The following PPP1R16B variants were observed in gnomAD, a reference collection of about 807,000 sequenced individuals.
The protein encoded by PPP1R16B is protein phosphatase 1 regulatory subunit 16B.
In PPP1R16B, 14 loss-of-function variants were observed where a neutral mutation model predicts 61.7. The ratio of observed to expected loss-of-function variants is 0.23; its 90% confidence interval spans 0.15 to 0.35. The LOEUF (loss-of-function observed/expected upper bound fraction) is 0.35. Among genes scored for constraint, PPP1R16B ranks in the 10% least tolerant of loss-of-function variants. The probability of loss-of-function intolerance (pLI) is 1.00; values close to 1 mark genes in which losing one functional copy is unlikely to be tolerated. For missense variants in PPP1R16B, 547 were observed against 752.5 expected (o/e 0.73, Z 3.19); for synonymous variants, 266 against 305.3 (o/e 0.87, Z 1.34).
intron 4 of PPP1R16B, 126 bp downstream of exon 4, chr20:38,895,836 C>T: frequency 1.0e-6 from 1 of 1,002,260 alleles, no homozygotes; most frequent in Admixed American, 2.9e-5. Context: ...TTCTTTCTCT[C>T]CTCCCTTCCT....
At chr20:38,861,246 G>A (rs2085048242) in intron 2 of PPP1R16B, among the ~76,000 whole-genome samples, 1 of 152,182 alleles carries the variant, frequency 6.6e-6, no homozygotes, top group Admixed American at 6.5e-5. Flanking sequence ...AGAGCTACCT[G>A]GTGGGATGTT....
At chr20:38,855,943 T>TAGAGAGAGAGAG (rs1293814608) in intron 2 of PPP1R16B, among the ~76,000 whole-genome samples, 22 of 15,054 alleles carry the variant, frequency 1.5e-3, no homozygotes, top group Non-Finnish European at 1.9e-3. Flanking sequence ...TATATATATA[T>TAGAGAGAGAGAG]AGAGAGAGAG....
At chr20:38,852,949 GT>G (rs2145730818) in intron 2 of PPP1R16B, among the ~76,000 whole-genome samples, 1 of 151,676 alleles carries the variant, frequency 6.6e-6, no homozygotes, top group African/African-American at 2.4e-5. Flanking sequence ...AATTTTTGTA[GT>G]TTTAGTAGAG....
chr20:38,908,163 G>T lies in PPP1R16B; in HGVS notation c.1164G>T (p.Glu388Asp). The change falls in exon 10 of 11, where the codon GAG becomes GAT. Residue 388 changes from glutamate (E) to aspartate (D), a missense_variant. Coordinates refer to ENST00000299824, the MANE Select transcript of PPP1R16B (RefSeq NM_015568.4). ...CCACCTACAACGGGGACATCAGGGA[G>T]ACCAGGACAGACCAAGAGAATAAGG... The part of the protein sequence containing the change: ...RTSTYNGDIR[E>D]TRTDQENKDP... 1.2e-6 allele frequency: 2 copies of T among 1,614,248 alleles called. No homozygotes were observed. Among genetic ancestry groups the T allele is most frequent in the Non-Finnish European group, 1.7e-6 (2 of 1,180,046 alleles).
At chr20:38,819,615 A>G (rs550732039) in intron 1 of PPP1R16B, among the ~76,000 whole-genome samples, 12 of 152,334 alleles carry the variant, frequency 7.9e-5, no homozygotes, top group African/African-American at 2.6e-4. Flanking sequence ...CTGGAGAAGC[A>G]GCAGCACTTT....
At chr20:38,848,968 A>T (rs969452221) in intron 2 of PPP1R16B, among the ~76,000 whole-genome samples, 2 of 152,348 alleles carry the variant, frequency 1.3e-5, no homozygotes, top group South Asian at 2.1e-4. Context: ...AAAAGTTTTT[A>T]AAAAATTAAA....
chr20:38,908,869 G>C (rs748284838), intron 10 of PPP1R16B, among the ~76,000 whole-genome samples: 2 of 152,230 alleles, frequency 1.3e-5, no homozygotes. Flanking sequence ...AGGGGATTCT[G>C]TTCCACGCCT....
chr20:38,845,181 G>A (rs572434342), intron 2 of PPP1R16B, among the ~76,000 whole-genome samples: 1 of 152,232 alleles, frequency 6.6e-6, no homozygotes, highest in East Asian at 1.9e-4. Context: ...CCTCAGGCAC[G>A]GAGAGGGGAA....
At chr20:38,813,774 A>ATTATTG (rs1414895142) in intron 1 of PPP1R16B, among the ~76,000 whole-genome samples, 1 of 118,142 alleles carries the variant, frequency 8.5e-6, no homozygotes, top group Non-Finnish European at 1.8e-5. Context: ...CATCATTATT[A>ATTATTG]TTATTATTAT....
chr20:38,883,395 G>T (rs1210293142), intron 2 of PPP1R16B, among the ~76,000 whole-genome samples: 2 of 152,392 alleles, frequency 1.3e-5, no homozygotes, highest in Middle Eastern at 3.4e-3. Flanking sequence ...GCCGCCACCA[G>T]CTTCCTGCCG....
At position 38,906,283 on chromosome 20, in the gene PPP1R16B, G is replaced by GTTTTTT. The variant is rs907617949; in HGVS notation, c.822+212_822+217dup. On this transcript the variant is annotated intron_variant, in intron 7 of 10. Transcript: ENST00000299824. The stretch of plus-strand genomic sequence containing the variant: ...AAAAACATTGGACAAAGCAAGTTGT[G>GTTTTTT]TTTTTTTTTTTTTTTTTTTTTTTTT... 2.0e-4 allele frequency among the ~76,000 whole-genome samples: 20 copies of GTTTTTT among 101,246 alleles called. 1 individual carries two copies. The highest frequency in any genetic ancestry group is 1.7e-3 in the South Asian group (4 of 2,308). The allele number at this position is 101,246 out of a possible 152,430, so 66.4% of individuals were successfully genotyped here.
intron 2 of PPP1R16B, among the ~76,000 whole-genome samples, chr20:38,869,758 G>A (rs542487227): frequency 6.6e-6 from 1 of 151,954 alleles, no homozygotes; most frequent in African/African-American, 2.4e-5. Context: ...GGAAAGTCAT[G>A]TCCTGGCCTA....
chr20:38,808,905 T>C (rs540715078), intron 1 of PPP1R16B, among the ~76,000 whole-genome samples: 1 of 152,036 alleles, frequency 6.6e-6, no homozygotes. Context: ...TGGTGGCGCA[T>C]GCCTGTAGTC....
At chr20:38,902,932 C>A in intron 6 of PPP1R16B, 140 bp downstream of exon 6, 1 of 1,360,564 alleles carries the variant, frequency 7.3e-7, no homozygotes, top group Non-Finnish European at 9.9e-7. Context: ...CAGGATTGCC[C>A]CTGGATAGGG....
chr20:38,852,768 T>TTGG (rs1601257219), intron 2 of PPP1R16B, among the ~76,000 whole-genome samples: 8 of 62,330 alleles, frequency 1.3e-4, no homozygotes, highest in Non-Finnish European at 1.8e-4. Flanking sequence ...TTTTTTTTTT[T>TTGG]GCGGGGGGTG....
intron 2 of PPP1R16B, among the ~76,000 whole-genome samples, chr20:38,855,873 C>G (rs2085000409): frequency 7.2e-6 from 1 of 138,316 alleles, no homozygotes; most frequent in African/African-American, 2.7e-5. Context: ...TCTGTAAATA[C>G]CAGCTGCTTG....
chr20:38,880,025 C>G (rs1467031938), intron 2 of PPP1R16B, among the ~76,000 whole-genome samples: 3 of 151,916 alleles, frequency 2.0e-5, no homozygotes, highest in African/African-American at 7.3e-5. Context: ...AACAGATGTT[C>G]TGGCTGGTTC....
intron 2 of PPP1R16B, among the ~76,000 whole-genome samples, chr20:38,860,157 G>A (rs1261989262): frequency 6.6e-6 from 1 of 151,936 alleles, no homozygotes; most frequent in Non-Finnish European, 1.5e-5. Context: ...TAGTAGACAT[G>A]GGGTTTCACC....
chr20:38,853,259 T>C (rs986974242), intron 2 of PPP1R16B, among the ~76,000 whole-genome samples: 2 of 152,208 alleles, frequency 1.3e-5, no homozygotes, highest in Non-Finnish European at 2.9e-5. Context: ...TATTACATTT[T>C]CCAACATGTC....
Sources: allele counts gnomAD v4.1 joint callset (sites outside exome capture counted in the v4.1 genomes callset), GRCh38; gene constraint gnomAD v4.1.1; transcripts MANE v1.5; gene names NCBI Gene and HGNC (gene_info 2026-07-23, HGNC 2026-07-21).